Variants in MAF observed in about 807,000 individuals in gnomAD.
MAF encodes transcription factor Maf.
A neutral mutation model predicts 22.0 loss-of-function variants in MAF; 10 were observed. That is an observed-to-expected ratio of 0.45 (90% CI 0.28 to 0.77). The LOEUF (loss-of-function observed/expected upper bound fraction) is 0.77, where lower values mean the gene tolerates loss of function less well. Among genes scored for constraint, MAF ranks in the 30% least tolerant of loss-of-function variants. The pLI is 0.12. For synonymous variants in MAF, 337 were observed against 255.8 expected (o/e 1.32, Z -3.03); for missense variants, 544 against 548.4 (o/e 0.99, Z 0.08).
chr16:79,259,270 G>C, the MAF span, among the ~76,000 whole-genome samples: 1 of 152,082 alleles, frequency 6.6e-6, no homozygotes, highest in Admixed American at 6.6e-5. Context: ...CCCACTCCGG[G>C]CCTTTGCAGA....
At chr16:79,489,244 T>A in the MAF span, among the ~76,000 whole-genome samples, 3 of 152,116 alleles carry the variant, frequency 2.0e-5, no homozygotes, top group African/African-American at 2.4e-5. Context: ...CATCTACTCA[T>A]CCATCTATTT....
chr16:79,278,003 G>C, the MAF span, among the ~76,000 whole-genome samples: 1 of 152,196 alleles, frequency 6.6e-6, no homozygotes, highest in Non-Finnish European at 1.5e-5. Flanking sequence ...TCTCTCTAAG[G>C]GAAGGCCTGG....
the MAF span, among the ~76,000 whole-genome samples, chr16:79,491,567 C>G: frequency 6.6e-6 from 1 of 152,122 alleles, no homozygotes; most frequent in Non-Finnish European, 1.5e-5. Context: ...TTTCTAAGTC[C>G]TGGTATCCCC....
chr16:79,281,961 G>T, the MAF span, among the ~76,000 whole-genome samples: 1 of 152,120 alleles, frequency 6.6e-6, no homozygotes, highest in Non-Finnish European at 1.5e-5. Flanking sequence ...AGGATAGTTT[G>T]ATATGGAACA....
the MAF span, among the ~76,000 whole-genome samples, chr16:79,211,411 G>T: frequency 2.6e-5 from 4 of 152,140 alleles, no homozygotes; most frequent in Non-Finnish European, 5.9e-5. Context: ...CGGAGTTTAT[G>T]AACTCGTTTT....
intron 1 of MAF, chr16:79,598,257 G>GA (rs1913686947): frequency 9.5e-7 from 1 of 1,050,446 alleles, no homozygotes. Flanking sequence ...AGCTCTAAAA[G>GA]TAAAATTAAA....
the MAF span, among the ~76,000 whole-genome samples, chr16:79,235,032 A>G: frequency 2.0e-5 from 3 of 152,130 alleles, no homozygotes; most frequent in African/African-American, 4.8e-5. Flanking sequence ...CCTGGAGCCA[A>G]CCCAGCTGGG....
the MAF span, among the ~76,000 whole-genome samples, chr16:79,538,870 G>GA: frequency 6.4e-5 from 2 of 31,222 alleles, no homozygotes; most frequent in African/African-American, 1.6e-4. Flanking sequence ...GAAAAGAAAA[G>GA]AAAAGAAAGA....
chr16:79,212,384 A>C, the MAF span: 2 of 486,104 alleles, frequency 4.1e-6, no homozygotes, highest in Non-Finnish European at 7.2e-6. Flanking sequence ...CAGAACTACC[A>C]GGTGGCAAAG....
At chr16:79,216,415 T>C in the MAF span, among the ~76,000 whole-genome samples, 72,623 of 152,130 alleles carry the variant, frequency 0.48, 19,562 homozygotes, top group Non-Finnish European at 0.62. Flanking sequence ...GTTTGACTTA[T>C]GATTTTTGAA....
At chr16:79,538,396 C>A in the MAF span, among the ~76,000 whole-genome samples, 1 of 152,012 alleles carries the variant, frequency 6.6e-6, no homozygotes, top group Non-Finnish European at 1.5e-5. Context: ...TGTGAAATAC[C>A]CAAATAAATT....
chr16:79,365,028 T>G, the MAF span, among the ~76,000 whole-genome samples: 18,635 of 152,168 alleles, frequency 0.12, 1,159 homozygotes, highest in African/African-American at 0.16. Flanking sequence ...TTGGTTAAAG[T>G]GGGAAGTCCC....
At chr16:79,473,539 G>A in the MAF span, among the ~76,000 whole-genome samples, 9 of 152,248 alleles carry the variant, frequency 5.9e-5, no homozygotes, top group Non-Finnish European at 1.0e-4. Context: ...CAGATAAAAT[G>A]GCATGGAGAG....
chr16:79,337,045 G>A, the MAF span, among the ~76,000 whole-genome samples: 1 of 152,138 alleles, frequency 6.6e-6, no homozygotes, highest in African/African-American at 2.4e-5. Context: ...TTTAGAAATA[G>A]GCTCTGGCAT....
chr16:79,578,195 T>C, the MAF span, among the ~76,000 whole-genome samples: 1 of 152,242 alleles, frequency 6.6e-6, no homozygotes, highest in Non-Finnish European at 1.5e-5. Flanking sequence ...CTAAACATGT[T>C]ATTGTATACC....
chr16:79,423,038 G>T, the MAF span, among the ~76,000 whole-genome samples: 4 of 152,134 alleles, frequency 2.6e-5, no homozygotes. Flanking sequence ...TGAAAAGCAA[G>T]AAGCAGCCAG....
chr16:79,445,451 T>C, the MAF span, among the ~76,000 whole-genome samples: 26 of 152,312 alleles, frequency 1.7e-4, no homozygotes, highest in Non-Finnish European at 3.1e-4. Context: ...GGAGACCAAG[T>C]CTTCAGAGAT....
the MAF span, among the ~76,000 whole-genome samples, chr16:79,555,874 G>A: frequency 6.6e-6 from 1 of 152,166 alleles, no homozygotes; most frequent in Non-Finnish European, 1.5e-5. Context: ...TTGGGATAGG[G>A]ATATAAACCT....
the MAF span, among the ~76,000 whole-genome samples, chr16:79,357,945 C>T: frequency 6.6e-6 from 1 of 152,342 alleles, no homozygotes; most frequent in East Asian, 1.9e-4. Flanking sequence ...GCCAGCAAGA[C>T]ACTTAGTTCA....
Sources: allele counts gnomAD v4.1 joint callset (sites outside exome capture counted in the v4.1 genomes callset), GRCh38; gene constraint gnomAD v4.1.1; transcripts MANE v1.5; gene names NCBI Gene and HGNC (gene_info 2026-07-23, HGNC 2026-07-21).